The following ZFAT variants were observed in gnomAD, a reference collection of about 807,000 sequenced individuals.
The protein encoded by ZFAT is zinc finger protein ZFAT.
A neutral mutation model predicts 117.7 loss-of-function variants in ZFAT; 64 were observed. That is an observed-to-expected ratio of 0.54 (90% CI 0.44 to 0.67). The LOEUF (loss-of-function observed/expected upper bound fraction) is 0.67, where lower values mean the gene tolerates loss of function less well. Among genes scored for constraint, ZFAT ranks in the 30% least tolerant of loss-of-function variants. The pLI is 0.00. For missense variants in ZFAT, 1,433 were observed against 1,584.5 expected (o/e 0.90, Z 1.62); for synonymous variants, 679 against 615.0 (o/e 1.10, Z -1.54).
the ZFAT span, among the ~76,000 whole-genome samples, chr8:134,828,596 A>G: frequency 2.0e-5 from 3 of 152,234 alleles, no homozygotes; most frequent in African/African-American, 7.2e-5. Flanking sequence ...TAAAGTTTGC[A>G]GCTACTTCCT....
chr8:134,486,303 G>A (rs545910653), intron 15 of ZFAT, among the ~76,000 whole-genome samples: 4 of 152,190 alleles, frequency 2.6e-5, no homozygotes, highest in East Asian at 1.9e-4. Flanking sequence ...CCTTCACTTC[G>A]GGAATTCCAG....
the ZFAT span, among the ~76,000 whole-genome samples, chr8:134,808,042 T>C: frequency 6.6e-6 from 1 of 152,202 alleles, no homozygotes; most frequent in Non-Finnish European, 1.5e-5. Flanking sequence ...GTAACTACTT[T>C]TAAGGGTAGT....
At chr8:134,614,506 C>G (rs186184123) in intron 3 of ZFAT, among the ~76,000 whole-genome samples, 23 of 152,314 alleles carry the variant, frequency 1.5e-4, no homozygotes, top group African/African-American at 5.5e-4. Context: ...AGCACCGAAC[C>G]AACGGTTGGA....
chr8:134,752,171 G>T, the ZFAT span, among the ~76,000 whole-genome samples: 1 of 152,130 alleles, frequency 6.6e-6, no homozygotes, highest in Non-Finnish European at 1.5e-5. Context: ...TCTCCTAGCT[G>T]GGACCCCTGC....
chr8:134,591,323 G>A (rs567531924), intron 7 of ZFAT, among the ~76,000 whole-genome samples: 2 of 152,288 alleles, frequency 1.3e-5, no homozygotes, highest in East Asian at 3.9e-4. Flanking sequence ...CCTGCCCCTC[G>A]GTGTCCCACT....
chr8:134,626,524 CAGA>C (rs1373984906), intron 3 of ZFAT, among the ~76,000 whole-genome samples: 1 of 152,254 alleles, frequency 6.6e-6, no homozygotes, highest in African/African-American at 2.4e-5. Flanking sequence ...GATGGTCACA[CAGA>C]AGAAGAGGCA....
At chr8:134,662,733 T>C (rs952972003) in intron 1 of ZFAT, among the ~76,000 whole-genome samples, 1 of 152,174 alleles carries the variant, frequency 6.6e-6, no homozygotes, top group Non-Finnish European at 1.5e-5. Flanking sequence ...ATATTAAAAT[T>C]ACAAAATAAT....
intron 15 of ZFAT, among the ~76,000 whole-genome samples, chr8:134,502,590 C>T (rs1819078246): frequency 6.6e-6 from 1 of 152,226 alleles, no homozygotes; most frequent in African/African-American, 2.4e-5. Flanking sequence ...GCCTGCTCTT[C>T]TCCCAACACT....
intron 7 of ZFAT, among the ~76,000 whole-genome samples, chr8:134,593,730 A>G (rs1284863677): frequency 6.6e-6 from 1 of 152,076 alleles, no homozygotes; most frequent in Non-Finnish European, 1.5e-5. Context: ...TTAAAAAACA[A>G]AGGTGGGGGT....
chr8:134,751,748 A>G, the ZFAT span, among the ~76,000 whole-genome samples: 1 of 152,132 alleles, frequency 6.6e-6, no homozygotes, highest in Non-Finnish European at 1.5e-5. Context: ...ATCCCTAGAA[A>G]AGGAGGCCTG....
At position 134,571,491 on chromosome 8, in the gene ZFAT, T is replaced by A. The variant is rs1824897697; in HGVS notation, c.2888-6070A>T. 2.6e-5 allele frequency among the ~76,000 whole-genome samples: 4 copies of A among 152,364 alleles called. No individual in the cohort carries two copies. In the South Asian group the frequency reaches 8.3e-4, roughly 32 times the overall value. ...TCTGTCAACTGCAACCAATATGAGT[T>A]TCTGTCAGCTGCAACCAAGAGTCCA... On this transcript the variant is annotated intron_variant, in intron 10 of 15. Transcript: ENST00000377838.
the ZFAT span, among the ~76,000 whole-genome samples, chr8:134,821,353 A>G: frequency 6.6e-6 from 1 of 152,158 alleles, no homozygotes; most frequent in African/African-American, 2.4e-5. Flanking sequence ...TGCAATGCAA[A>G]TTTCAGACTA....
chr8:134,777,750 C>T, the ZFAT span, among the ~76,000 whole-genome samples: 1 of 152,092 alleles, frequency 6.6e-6, no homozygotes, highest in African/African-American at 2.4e-5. Context: ...GGTAGAAAAC[C>T]TCCATAGAAC....
intron 15 of ZFAT, among the ~76,000 whole-genome samples, chr8:134,489,856 T>C (rs912036121): frequency 2.0e-5 from 3 of 152,112 alleles, no homozygotes; most frequent in Non-Finnish European, 4.4e-5. Context: ...AACTAGTCAC[T>C]TCCTGCCCAC....
chr8:134,680,040 A>C (rs1191655780), intron 1 of ZFAT, among the ~76,000 whole-genome samples: 1 of 151,946 alleles, frequency 6.6e-6, no homozygotes, highest in Non-Finnish European at 1.5e-5. Context: ...ATGTATACCT[A>C]TGTAACAAAC....
At chr8:134,571,356 C>T (rs1204946337) in intron 10 of ZFAT, among the ~76,000 whole-genome samples, 2 of 152,196 alleles carry the variant, frequency 1.3e-5, no homozygotes, top group Non-Finnish European at 2.9e-5. Flanking sequence ...AAGAGGTGAA[C>T]ACAGCACTGG....
chr8:134,668,702 C>G (rs1244018916), intron 1 of ZFAT, among the ~76,000 whole-genome samples: 1 of 152,198 alleles, frequency 6.6e-6, no homozygotes, highest in African/African-American at 2.4e-5. Context: ...GCACTTCTCC[C>G]CCTTCAAAGG....
At chr8:134,739,238 A>C in the ZFAT span, among the ~76,000 whole-genome samples, 128,637 of 152,088 alleles carry the variant, frequency 0.85, 54,654 homozygotes, top group Non-Finnish European at 0.88. Context: ...CAAAAGAAAA[A>C]ACAAAGCAGC....
At chr8:134,781,724 T>C in the ZFAT span, among the ~76,000 whole-genome samples, 5 of 152,268 alleles carry the variant, frequency 3.3e-5, no homozygotes, top group East Asian at 9.6e-4. Context: ...CTGCCTCTAC[T>C]ACATCTGAGA....
Sources: gnomAD v4.1 joint callset for allele counts (sites outside exome capture counted in the v4.1 genomes callset) on GRCh38, gnomAD v4.1.1 for gene constraint, MANE v1.5 for transcripts, NCBI Gene and HGNC (gene_info 2026-07-23, HGNC 2026-07-21) for gene names.